The following NR3C1 variants were observed in gnomAD, a reference collection of about 807,000 sequenced individuals.
NR3C1 encodes glucocorticoid receptor.
Under a neutral mutation model 74.0 loss-of-function variants are expected in NR3C1, and 14 were observed. The observed-to-expected ratio is 0.19, with a 90% CI of 0.12 to 0.30. The LOEUF (loss-of-function observed/expected upper bound fraction) is 0.30, where lower values mean the gene tolerates loss of function less well. NR3C1 is among the 10% of genes least tolerant of loss of function. The pLI, the probability that NR3C1 is intolerant of heterozygous loss-of-function variation, is 1.00. For missense variants in NR3C1, 695 were observed against 909.8 expected, an observed-to-expected ratio of 0.76 and a Z score of 3.04; for synonymous variants, 308 against 332.5, an observed-to-expected ratio of 0.93 and a Z score of 0.80.
intron 1 of NR3C1, among the ~76,000 whole-genome samples, chr5:143,415,757 T>C (rs1841455901): frequency 6.6e-6 from 1 of 152,216 alleles, no homozygotes. Context: ...TGTACAATTA[T>C]TATAGAATTG....
At chr5:143,421,592 G>A (rs922748054) in intron 1 of NR3C1, among the ~76,000 whole-genome samples, 1 of 151,870 alleles carries the variant, frequency 6.6e-6, no homozygotes, top group Non-Finnish European at 1.5e-5. Flanking sequence ...AGGCTGAGGT[G>A]GGCACATCAC....
rs1812770061 is a variant in NR3C1, at chr5:143,279,355, G to A, written c.*2534C>T. The A allele has an allele frequency of 3.9e-6, 6 of 1,549,884 alleles. No homozygotes were observed. The highest frequency in any genetic ancestry group is 5.2e-6 in the Non-Finnish European group (6 of 1,147,638). ...TATTTTTTGAGCGCCAAGATTGTTGGGATGAAAATCAGATTAATGTGTGAG... is the reference window on the plus strand; with the variant it reads ...TATTTTTTGAGCGCCAAGATTGTTGAGATGAAAATCAGATTAATGTGTGAG... On this transcript the variant is annotated 3_prime_UTR_variant, in exon 9 of 9. Coordinates refer to ENST00000394464, the MANE Select transcript of NR3C1 (RefSeq NM_000176.3).
At chr5:143,371,935 T>A (rs879868832) in intron 2 of NR3C1, among the ~76,000 whole-genome samples, 8 of 152,204 alleles carry the variant, frequency 5.3e-5, no homozygotes, top group Non-Finnish European at 1.0e-4. Flanking sequence ...TTAGTGTTCA[T>A]TTAACACTAA....
chr5:143,424,089 C>T (rs763116756), intron 1 of NR3C1, among the ~76,000 whole-genome samples: 1 of 147,798 alleles, frequency 6.8e-6, no homozygotes, highest in Non-Finnish European at 1.5e-5. Flanking sequence ...GGAGGGATAG[C>T]ATTGGGAGAT....
chr5:143,371,668 T>A (rs978650550), intron 2 of NR3C1, among the ~76,000 whole-genome samples: 8 of 152,246 alleles, frequency 5.3e-5, no homozygotes, highest in Non-Finnish European at 1.2e-4. Flanking sequence ...ATATGTTTCA[T>A]CTCTCTTACC....
intron 4 of NR3C1, among the ~76,000 whole-genome samples, chr5:143,302,032 A>C (rs1487299428): frequency 6.6e-6 from 1 of 152,132 alleles, no homozygotes. Flanking sequence ...TTGGAGGCAC[A>C]GTATGATATA....
At chr5:143,342,071 G>A (rs980192215) in intron 2 of NR3C1, among the ~76,000 whole-genome samples, 3 of 151,322 alleles carry the variant, frequency 2.0e-5, no homozygotes, top group South Asian at 2.1e-4. Context: ...AAGAATCTAC[G>A]ACAGCCACAG....
intron 1 of NR3C1, among the ~76,000 whole-genome samples, chr5:143,425,826 A>G (rs368095260): frequency 2.1e-4 from 32 of 152,330 alleles, no homozygotes; most frequent in East Asian, 1.9e-3. Context: ...AGTTTTCTCA[A>G]AAAGGTAAAC....
intron 2 of NR3C1, chr5:143,333,314 C>A (rs145947048): frequency 0.022 from 15,351 of 701,816 alleles, 254 homozygotes; most frequent in Non-Finnish European, 0.028. Context: ...TTTACAAGTT[C>A]TTTTTGCATT....
At chr5:143,296,470 C>G (rs999843513) in intron 6 of NR3C1, among the ~76,000 whole-genome samples, 2 of 152,114 alleles carry the variant, frequency 1.3e-5, no homozygotes, top group Admixed American at 6.5e-5. Flanking sequence ...CCTCCCTAGT[C>G]CTTAATAGTA....
In NR3C1 at chr5:143,312,838, C is replaced by T. The variant is rs1035042699; in HGVS notation, c.1351+1164G>A. Among the ~76,000 whole-genome samples the T allele has an allele frequency of 3.9e-5, 6 of 152,208 alleles. No individual in the cohort carries two copies. In the East Asian group the frequency reaches 7.7e-4, roughly 20 times the overall value. Reference sequence around the variant, plus strand: ...GACACGAAGACGCTTCTGTCTTCTGCGTATGTGTTAAGTAACATCCACTTT... The same window carrying T: ...GACACGAAGACGCTTCTGTCTTCTGTGTATGTGTTAAGTAACATCCACTTT... On this transcript the variant is annotated intron_variant, in intron 3 of 8. Transcript: ENST00000394464.
intron 2 of NR3C1, among the ~76,000 whole-genome samples, chr5:143,317,024 G>A (rs1482408352): frequency 6.6e-6 from 1 of 152,098 alleles, no homozygotes; most frequent in African/African-American, 2.4e-5. Context: ...ATCCCTTCAG[G>A]CAGTCGTTCT....
chr5:143,315,738 G>C (rs970110251), intron 2 of NR3C1, among the ~76,000 whole-genome samples: 1 of 152,094 alleles, frequency 6.6e-6, no homozygotes, highest in African/African-American at 2.4e-5. Context: ...AAGTAATGTA[G>C]TTTGTTGCTA....
chr5:143,308,586 T>C (rs937609983), intron 4 of NR3C1, among the ~76,000 whole-genome samples: 1 of 152,176 alleles, frequency 6.6e-6, no homozygotes, highest in Admixed American at 6.5e-5. Context: ...CATGTAAGAT[T>C]AGTCTTTGTA....
intron 1 of NR3C1, among the ~76,000 whole-genome samples, chr5:143,411,350 T>G (rs1841285510): frequency 2.0e-5 from 3 of 152,180 alleles, no homozygotes; most frequent in Non-Finnish European, 4.4e-5. Context: ...GAGGAAATAT[T>G]TTTCTAGTAC....
chr5:143,295,125 G>A (rs258813), intron 7 of NR3C1: 311,801 of 984,728 alleles, frequency 0.32, 49,905 homozygotes, highest in Non-Finnish European at 0.33. Context: ...ACAGTGTAGT[G>A]GACAAAATCA....
chr5:143,284,880 G>T (rs181717392), intron 7 of NR3C1, among the ~76,000 whole-genome samples: 19 of 152,254 alleles, frequency 1.2e-4, no homozygotes, highest in Admixed American at 1.1e-3. Context: ...AAGGGAAAGG[G>T]AACCCAGGGT....
chr5:143,404,827 C>G (rs1840986214), upstream of NR3C1, among the ~76,000 whole-genome samples: 1 of 152,190 alleles, frequency 6.6e-6, no homozygotes, highest in African/African-American at 2.4e-5. Context: ...CGTCCAAGTT[C>G]CCGGTGCAGG....
chr5:143,302,153 C>T (rs1262402828), intron 4 of NR3C1, among the ~76,000 whole-genome samples: 1 of 152,048 alleles, frequency 6.6e-6, no homozygotes, highest in Non-Finnish European at 1.5e-5. Flanking sequence ...ATTTCCCCTT[C>T]TGTAAAATGA....
Sources: gnomAD v4.1 joint callset for allele counts (sites outside exome capture counted in the v4.1 genomes callset) on GRCh38, gnomAD v4.1.1 for gene constraint, MANE v1.5 for transcripts, NCBI Gene and HGNC (gene_info 2026-07-23, HGNC 2026-07-21) for gene names.